GPATCH2: variants seen among roughly 807,000 people sequenced by gnomAD.
GPATCH2 encodes the protein G patch domain-containing protein 2.
GPATCH2 carries 51 observed loss-of-function variants against 58.0 expected under a neutral mutation model. The observed-to-expected ratio is 0.88, with a 90% CI of 0.70 to 1.11. The LOEUF (loss-of-function observed/expected upper bound fraction) is 1.11. Among genes scored for constraint, GPATCH2 ranks in the 50% most tolerant of loss-of-function variants. GPATCH2 has a pLI of 0.00. For synonymous variants in GPATCH2, 222 were observed against 218.5 expected (o/e 1.02, Z -0.14); for missense variants, 625 against 652.2 (o/e 0.96, Z 0.45).
intron 5 of GPATCH2, among the ~76,000 whole-genome samples, chr1:217,591,746 G>T (rs1364193018): frequency 6.6e-6 from 1 of 151,918 alleles, no homozygotes; most frequent in Non-Finnish European, 1.5e-5. Context: ...ATAACTAGAA[G>T]AAATCACCGA....
chr1:217,602,816 T>C (rs1571635288), intron 5 of GPATCH2, among the ~76,000 whole-genome samples: 1 of 152,346 alleles, frequency 6.6e-6, no homozygotes, highest in East Asian at 1.9e-4. Flanking sequence ...GTGCTTGCCA[T>C]TCAAGATACA....
chr1:217,504,725 C>T (rs534302727), intron 6 of GPATCH2, among the ~76,000 whole-genome samples: 1 of 152,276 alleles, frequency 6.6e-6, no homozygotes, highest in East Asian at 1.9e-4. Context: ...GTATTTTTAA[C>T]CATATACTTC....
chr1:217,530,059 TGTG>T (rs1451871164), intron 5 of GPATCH2, among the ~76,000 whole-genome samples: 3 of 152,228 alleles, frequency 2.0e-5, no homozygotes, highest in African/African-American at 7.2e-5. Flanking sequence ...ACATAACCTT[TGTG>T]GTAAGTCTAG....
At chr1:217,468,896 T>C (rs1326610123) in intron 8 of GPATCH2, among the ~76,000 whole-genome samples, 1 of 152,128 alleles carries the variant, frequency 6.6e-6, no homozygotes, top group African/African-American at 2.4e-5. Context: ...TATTTCTGTA[T>C]ATAAAAAATT....
intron 5 of GPATCH2, among the ~76,000 whole-genome samples, chr1:217,605,210 G>T (rs565832680): frequency 4.6e-4 from 70 of 152,178 alleles, no homozygotes; most frequent in African/African-American, 1.6e-3. Flanking sequence ...CTTCACAGAA[G>T]AAAATACAAT....
intron 5 of GPATCH2, among the ~76,000 whole-genome samples, chr1:217,590,112 C>A (rs563351499): frequency 6.6e-6 from 1 of 152,006 alleles, no homozygotes; most frequent in South Asian, 2.1e-4. Context: ...CCTCCGCCCC[C>A]TGGGTTCAAG....
intron 1 of GPATCH2, among the ~76,000 whole-genome samples, chr1:217,624,989 T>C (rs969850459): frequency 6.6e-6 from 1 of 152,232 alleles, no homozygotes; most frequent in African/African-American, 2.4e-5. Flanking sequence ...TTGGATTTTA[T>C]GAAAGGAAAT....
chr1:217,616,017 A>G (rs1668868763), intron 2 of GPATCH2, among the ~76,000 whole-genome samples: 1 of 152,176 alleles, frequency 6.6e-6, no homozygotes, highest in South Asian at 2.1e-4. Context: ...AGGACATTAA[A>G]TAACAGCAAA....
chr1:217,518,459 T>C (rs1384519246), intron 5 of GPATCH2, among the ~76,000 whole-genome samples: 6 of 152,244 alleles, frequency 3.9e-5, no homozygotes, highest in African/African-American at 1.4e-4. Context: ...ACCAATTTTA[T>C]AATTTTGCTT....
In GPATCH2 at chr1:217,590,928, T is replaced by C. The variant is rs190806761; in HGVS notation, c.1098+19393A>G. ...TGGATCTGGGAGAGGTTATTCTGCA[T>C]CAGCTAGAGAGAATTCAGGTATGAA... On this transcript the variant is annotated intron_variant, in intron 5 of 9. Transcript: ENST00000366935. 1.1e-4 allele frequency among the ~76,000 whole-genome samples: 16 copies of C among 152,262 alleles called. No individual in the cohort carries two copies. In the East Asian group the frequency reaches 2.9e-3, roughly 28 times the overall value.
At chr1:217,470,296 A>G (rs1437882526) in intron 8 of GPATCH2, among the ~76,000 whole-genome samples, 1 of 152,182 alleles carries the variant, frequency 6.6e-6, no homozygotes, top group East Asian at 1.9e-4. Flanking sequence ...GCCAAATTCA[A>G]CTGCAATCCT....
intron 5 of GPATCH2, among the ~76,000 whole-genome samples, chr1:217,580,029 T>C (rs1446033811): frequency 6.6e-6 from 1 of 152,156 alleles, no homozygotes; most frequent in Non-Finnish European, 1.5e-5. Flanking sequence ...AAATATGTCA[T>C]AATTTTTGCT....
chr1:217,629,831 T>C (rs1346057520), intron 1 of GPATCH2, among the ~76,000 whole-genome samples: 2 of 152,254 alleles, frequency 1.3e-5, no homozygotes, highest in Non-Finnish European at 2.9e-5. Flanking sequence ...CTATATTCAC[T>C]ATAAAATTAA....
chr1:217,575,574 C>T (rs1182375959), intron 5 of GPATCH2, among the ~76,000 whole-genome samples: 1 of 152,060 alleles, frequency 6.6e-6, no homozygotes, highest in Non-Finnish European at 1.5e-5. Flanking sequence ...TATGTGCTTC[C>T]AATTTGATTG....
chr1:217,500,132 A>G (rs1662226211), intron 6 of GPATCH2, among the ~76,000 whole-genome samples: 1 of 151,862 alleles, frequency 6.6e-6, no homozygotes, highest in African/African-American at 2.4e-5. Context: ...CCTAAAGTTG[A>G]TATTTGTCTT....
intron 5 of GPATCH2, among the ~76,000 whole-genome samples, chr1:217,515,798 A>AT (rs935380386): frequency 6.2e-5 from 6 of 96,800 alleles, no homozygotes; most frequent in East Asian, 6.8e-4. Context: ...GACTTATTAC[A>AT]TAAAAAAAAA....
At chr1:217,595,494 ATTTTCTTT>A (rs904372508) in intron 5 of GPATCH2, among the ~76,000 whole-genome samples, 4 of 149,754 alleles carry the variant, frequency 2.7e-5, no homozygotes, top group Middle Eastern at 3.4e-3. Flanking sequence ...TAACTGTGAT[ATTTTCTTT>A]TTTTCTTTTT....
chr1:217,566,184 T>C (rs1233271995), intron 5 of GPATCH2, among the ~76,000 whole-genome samples: 1 of 151,640 alleles, frequency 6.6e-6, no homozygotes, highest in Non-Finnish European at 1.5e-5. Context: ...TACCACAGCA[T>C]TCTGTAAGTG....
chr1:217,482,112 C>G (rs1421944049), intron 8 of GPATCH2, among the ~76,000 whole-genome samples: 6 of 152,114 alleles, frequency 3.9e-5, no homozygotes, highest in African/African-American at 1.4e-4. Flanking sequence ...AGTGATTAAA[C>G]TGGAATTGGA....
Sources: allele counts gnomAD v4.1 joint callset (sites outside exome capture counted in the v4.1 genomes callset), GRCh38; gene constraint gnomAD v4.1.1; transcripts MANE v1.5; gene names NCBI Gene and HGNC (gene_info 2026-07-23, HGNC 2026-07-21).